The following GLRB variants were observed in gnomAD, a reference collection of about 807,000 sequenced individuals.
GLRB encodes the protein glycine receptor beta.
In GLRB, 33 loss-of-function variants were observed where a neutral mutation model predicts 54.2. The ratio of observed to expected loss-of-function variants is 0.61; its 90% CI spans 0.46 to 0.81. The LOEUF is 0.81. GLRB is among the 40% of genes least tolerant of loss of function. GLRB has a pLI of 0.00. For synonymous variants in GLRB, 209 were observed against 208.2 expected (o/e 1.00, Z -0.03); for missense variants, 572 against 584.6 (o/e 0.98, Z 0.22).
chr4:157,110,805 T>C (rs78878394), intron 2 of GLRB, among the ~76,000 whole-genome samples: 6,178 of 152,088 alleles, frequency 0.041, 188 homozygotes, highest in East Asian at 0.1. Context: ...AGTTTCTGTG[T>C]GTCTCTCAAA....
At position 157,082,309 on chromosome 4, in the gene GLRB, A is replaced by G. The variant is rs73856813; in HGVS notation, c.122+4163A>G. Among the ~76,000 whole-genome samples the G allele has an allele frequency of 6.3e-3, 964 of 152,216 alleles. 8 individuals carry two copies. The highest frequency in any genetic ancestry group is 0.021 in the African/African-American group (892 of 41,522). Reference sequence around the variant, plus strand: ...CATTCTGTGCCCCCACAGTTCCCCAATTGCCACTCATACATAATACAGTAT... The same window carrying G: ...CATTCTGTGCCCCCACAGTTCCCCAGTTGCCACTCATACATAATACAGTAT... On this transcript the variant is annotated intron_variant, in intron 2 of 9. Coordinates refer to ENST00000264428, the MANE Select transcript of GLRB (RefSeq NM_000824.5).
chr4:157,138,201 A>G (rs867168459), intron 6 of GLRB, among the ~76,000 whole-genome samples: 27 of 152,246 alleles, frequency 1.8e-4, no homozygotes, highest in African/African-American at 6.3e-4. Flanking sequence ...CCTCCTGAGT[A>G]GCTGAGATCA....
chr4:157,127,323 TTA>T (rs1736050451), intron 4 of GLRB, among the ~76,000 whole-genome samples: 1 of 151,796 alleles, frequency 6.6e-6, no homozygotes, highest in Non-Finnish European at 1.5e-5. Flanking sequence ...TTAGTAGATT[TTA>T]CATCTTAGAT....
At chr4:157,126,942 A>G (rs1384140863) in intron 4 of GLRB, among the ~76,000 whole-genome samples, 1 of 151,782 alleles carries the variant, frequency 6.6e-6, no homozygotes, top group Non-Finnish European at 1.5e-5. Flanking sequence ...TTGAATTATT[A>G]TTGCACTATA....
At chr4:157,091,726 C>T (rs1328713234) in intron 2 of GLRB, among the ~76,000 whole-genome samples, 1 of 152,140 alleles carries the variant, frequency 6.6e-6, no homozygotes, top group African/African-American at 2.4e-5. Context: ...TTGTGACCCA[C>T]CTTTTCTCTT....
intron 4 of GLRB, among the ~76,000 whole-genome samples, chr4:157,131,034 A>AT (rs147433184): frequency 0.15 from 23,142 of 151,370 alleles, 1,952 homozygotes; most frequent in African/African-American, 0.23. Context: ...GTCTTGAAGA[A>AT]TTTTTTTTCT....
intron 2 of GLRB, among the ~76,000 whole-genome samples, chr4:157,096,300 T>G (rs1734810018): frequency 6.6e-6 from 1 of 152,202 alleles, no homozygotes; most frequent in Non-Finnish European, 1.5e-5. Context: ...GTGCTAATTT[T>G]AGTGAGACTG....
intron 2 of GLRB, among the ~76,000 whole-genome samples, chr4:157,110,000 A>G (rs1292183424): frequency 2.6e-5 from 4 of 151,960 alleles, no homozygotes; most frequent in Non-Finnish European, 5.9e-5. Flanking sequence ...AGGCATCATC[A>G]TAAAGCCATG....
intron 9 of GLRB, among the ~76,000 whole-genome samples, chr4:157,162,751 G>C (rs1737556394): frequency 6.6e-6 from 1 of 152,180 alleles, no homozygotes; most frequent in Non-Finnish European, 1.5e-5. Flanking sequence ...CCCCTACTGT[G>C]AGATGTCTCC....
chr4:157,136,806 T>G lies in GLRB; in HGVS notation c.530T>G (p.Leu177Ter), dbSNP rs1347138695. ...CTAAGACCCATTTCTGCTTCCAGGT[T>G]ATCTATTACTCTTTCATGCCCTTTG... Reference protein sequence around the residue: ...RDGDVLVSMRLSITLSCPLDL... With the variant: ...RDGDVLVSMR Residue 177 changes from leucine (L) to a stop codon, truncating the protein, a stop_gained and splice_region_variant, in exon 6 of 10, where the codon TTA (leucine) becomes TGA (stop). Coordinates refer to ENST00000264428, the MANE Select transcript of GLRB (RefSeq NM_000824.5). LOFTEE classifies it high-confidence loss of function. 6.2e-7 allele frequency: 1 copy of G among 1,603,892 alleles called. No individual in the cohort carries two copies. The highest frequency in any genetic ancestry group is 8.5e-7 in the Non-Finnish European group (1 of 1,170,758).
chr4:157,152,613 T>C (rs1015151215), intron 8 of GLRB, 105 bp from the exon 9 acceptor site: 1 of 869,272 alleles, frequency 1.2e-6, no homozygotes, highest in Non-Finnish European at 2.0e-6. Context: ...AAATTGTTCA[T>C]GGGTCATTGG....
intron 4 of GLRB, among the ~76,000 whole-genome samples, chr4:157,128,375 T>C (rs1736091855): frequency 6.6e-6 from 1 of 151,848 alleles, no homozygotes; most frequent in Non-Finnish European, 1.5e-5. Flanking sequence ...TATTAGGCAT[T>C]GTGGAAGGAT....
intron 2 of GLRB, among the ~76,000 whole-genome samples, chr4:157,081,232 C>T (rs961983611): frequency 2.0e-5 from 3 of 152,148 alleles, no homozygotes; most frequent in Non-Finnish European, 4.4e-5. Flanking sequence ...TTACAGCTTA[C>T]ATTTGACATT....
chr4:157,115,242 C>A (rs1735565644), intron 2 of GLRB, among the ~76,000 whole-genome samples: 1 of 147,522 alleles, frequency 6.8e-6, no homozygotes, highest in Non-Finnish European at 1.5e-5. Flanking sequence ...GACATATTTC[C>A]ATTATGGTGT....
intron 4 of GLRB, among the ~76,000 whole-genome samples, chr4:157,132,898 C>G (rs977590117): frequency 6.6e-6 from 1 of 151,904 alleles, no homozygotes; most frequent in Non-Finnish European, 1.5e-5. Flanking sequence ...TATCTCTAGC[C>G]AGTGAAATCT....
At chr4:157,097,305 A>G (rs1418590500) in intron 2 of GLRB, among the ~76,000 whole-genome samples, 2 of 152,300 alleles carry the variant, frequency 1.3e-5, no homozygotes, top group East Asian at 1.9e-4. Flanking sequence ...TGAATTGGTT[A>G]TCACACAAAG....
chr4:157,079,294 C>T (rs1734146476), intron 2 of GLRB, among the ~76,000 whole-genome samples: 1 of 151,878 alleles, frequency 6.6e-6, no homozygotes, highest in Non-Finnish European at 1.5e-5. Flanking sequence ...ACATTTTATT[C>T]CAGCATCATT....
At chr4:157,140,546 T>A (rs1226670865) in intron 7 of GLRB, among the ~76,000 whole-genome samples, 1 of 151,960 alleles carries the variant, frequency 6.6e-6, no homozygotes, top group African/African-American at 2.4e-5. Context: ...CTAGGCATTG[T>A]TTTTAGTTCT....
At chr4:157,168,517 T>C (rs1737801281) in intron 9 of GLRB, among the ~76,000 whole-genome samples, 1 of 152,252 alleles carries the variant, frequency 6.6e-6, no homozygotes, top group Middle Eastern at 3.4e-3. Flanking sequence ...TGCTATTAAA[T>C]ACTACCTCAA....
Sources: allele counts gnomAD v4.1 joint callset (sites outside exome capture counted in the v4.1 genomes callset), GRCh38; gene constraint gnomAD v4.1.1; transcripts MANE v1.5; gene names NCBI Gene and HGNC (gene_info 2026-07-23, HGNC 2026-07-21).